Variants in ZFPM2 observed in about 807,000 individuals in gnomAD.
ZFPM2 encodes the protein zinc finger protein, FOG family member 2, also known as zinc finger protein ZFPM2.
In ZFPM2, 20 loss-of-function variants were observed where a neutral mutation model predicts 98.6. The observed-to-expected ratio is 0.20, with a 90% CI of 0.14 to 0.29. The LOEUF (loss-of-function observed/expected upper bound fraction) is 0.29. Ranked by LOEUF, ZFPM2 falls within the 10% of genes least tolerant of loss-of-function variation. ZFPM2 has a pLI of 1.00. For missense variants in ZFPM2, 1,310 were observed against 1,388.6 expected, an observed-to-expected ratio of 0.94 and a Z score of 0.90; for synonymous variants, 518 against 502.7, an observed-to-expected ratio of 1.03 and a Z score of -0.41.
chr8:105,660,094 T>G (rs550948462), intron 5 of ZFPM2, among the ~76,000 whole-genome samples: 84 of 152,330 alleles, frequency 5.5e-4, no homozygotes, highest in African/African-American at 2.0e-3. Flanking sequence ...TCAGCCAATC[T>G]TTTAAAACTG....
chr8:105,577,268 T>C (rs1815486769), intron 4 of ZFPM2, among the ~76,000 whole-genome samples: 1 of 152,152 alleles, frequency 6.6e-6, no homozygotes, highest in Non-Finnish European at 1.5e-5. Flanking sequence ...CCATAGCCTT[T>C]ATGTATATTT....
At chr8:105,394,094 C>T (rs1296056121) in intron 1 of ZFPM2, among the ~76,000 whole-genome samples, 4 of 151,942 alleles carry the variant, frequency 2.6e-5, no homozygotes, top group Non-Finnish European at 2.9e-5. Context: ...GGGGTTTCAC[C>T]GTGTTAGCCA....
At chr8:105,789,417 T>A (rs1328355806) in intron 6 of ZFPM2, among the ~76,000 whole-genome samples, 1 of 152,230 alleles carries the variant, frequency 6.6e-6, no homozygotes, top group Admixed American at 6.5e-5. Context: ...CATGAACTCA[T>A]CCTTTTTTAT....
rs1283156138 is a variant in ZFPM2 at position 105,691,273 on chromosome 8, G to A, written c.532+56916G>A. On this transcript the variant is annotated intron_variant, in intron 5 of 7. Transcript: ENST00000407775. ...TTTTTTTTTTTTGAGACGGAGTCTC[G>A]CTCTGTCGCCCAGGCCGGACTGCGG... Among the ~76,000 whole-genome samples, 36 of 71,556 alleles carry A rather than the reference G, an allele frequency of 5.0e-4. 3 individuals are homozygous for A. Among genetic ancestry groups the A allele is most frequent in the African/African-American group, 2.9e-3 (33 of 11,446 alleles). 46.9% of individuals were successfully genotyped at this position (71,556 alleles called of 152,430 possible).
chr8:105,381,229 A>G (rs137922395), intron 1 of ZFPM2, among the ~76,000 whole-genome samples: 1 of 151,246 alleles, frequency 6.6e-6, no homozygotes, highest in Admixed American at 6.6e-5. Flanking sequence ...TTCTAGCTTC[A>G]TCCTTGTCCC....
chr8:105,526,045 A>C (rs901018304), intron 3 of ZFPM2, among the ~76,000 whole-genome samples: 1 of 152,180 alleles, frequency 6.6e-6, no homozygotes, highest in Non-Finnish European at 1.5e-5. Context: ...TAGCTCTCAA[A>C]TATTTCCTGA....
intron 5 of ZFPM2, among the ~76,000 whole-genome samples, chr8:105,743,451 G>A (rs1310997683): frequency 3.3e-5 from 5 of 152,042 alleles, no homozygotes; most frequent in African/African-American, 4.8e-5. Flanking sequence ...ATGGATGTGA[G>A]GCTATGCATG....
chr8:105,592,900 C>T (rs759289418), intron 4 of ZFPM2, among the ~76,000 whole-genome samples: 1 of 152,162 alleles, frequency 6.6e-6, no homozygotes, highest in Non-Finnish European at 1.5e-5. Flanking sequence ...CTGCTTGCCT[C>T]ATTTCATATC....
intron 5 of ZFPM2, among the ~76,000 whole-genome samples, chr8:105,637,213 C>T (rs906570432): frequency 6.6e-6 from 1 of 152,128 alleles, no homozygotes; most frequent in Admixed American, 6.6e-5. Context: ...GTCTTGACAG[C>T]TCCAAATTTT....
intron 5 of ZFPM2, among the ~76,000 whole-genome samples, chr8:105,694,303 G>A (rs1810966511): frequency 6.6e-6 from 1 of 151,826 alleles, no homozygotes; most frequent in African/African-American, 2.4e-5. Context: ...ATTTTTTTAA[G>A]TTTCATTATT....
chr8:105,444,386 G>T lies in ZFPM2; in HGVS notation c.301+5G>T. On this transcript the variant is annotated splice_donor_5th_base_variant and intron_variant, in intron 3 of 7. Coordinates refer to ENST00000407775, the MANE Select transcript of ZFPM2 (RefSeq NM_012082.4). Reference sequence around the variant, plus strand: ...CAGACGACTGGGATGGACCAGGTAGGGGAGAATATTTAAAATTCAACCGTC... The same window carrying T: ...CAGACGACTGGGATGGACCAGGTAGTGGAGAATATTTAAAATTCAACCGTC... 1.2e-6 allele frequency: 2 copies of T among 1,601,966 alleles called. No homozygotes were observed. Among genetic ancestry groups the T allele is most frequent in the Admixed American group, 3.4e-5 (2 of 58,550 alleles).
intron 4 of ZFPM2, among the ~76,000 whole-genome samples, chr8:105,582,406 G>A (rs1370588344): frequency 6.6e-6 from 1 of 152,156 alleles, no homozygotes; most frequent in Middle Eastern, 3.2e-3. Context: ...GAGGGAAGGG[G>A]ACTTAGCAGT....
chr8:105,693,394 C>A (rs991864903), intron 5 of ZFPM2, among the ~76,000 whole-genome samples: 30 of 152,158 alleles, frequency 2.0e-4, no homozygotes, highest in African/African-American at 7.0e-4. Flanking sequence ...TCCTAAGTTA[C>A]ATTTTGAAGA....
At chr8:105,554,004 G>A (rs1395790809) in intron 3 of ZFPM2, among the ~76,000 whole-genome samples, 1 of 152,050 alleles carries the variant, frequency 6.6e-6, no homozygotes, top group Non-Finnish European at 1.5e-5. Flanking sequence ...GATTTATCAG[G>A]GTTTGACTAG....
At chr8:105,635,472 C>T (rs200405000) in intron 5 of ZFPM2, among the ~76,000 whole-genome samples, 4 of 149,212 alleles carry the variant, frequency 2.7e-5, no homozygotes, top group Admixed American at 2.0e-4. Context: ...AAAAAAAAAA[C>T]AATCTGCACA....
In ZFPM2 at chr8:105,631,541, G is replaced by A. The variant is rs116961629; in HGVS notation, c.421-2705G>A. On this transcript the variant is annotated intron_variant, in intron 4 of 7. Coordinates refer to ENST00000407775, the MANE Select transcript of ZFPM2 (RefSeq NM_012082.4). ...CTGTTTATCCTTTAAAATCCTGCCC[G>A]AATGTTGCCTCTTCTATGATGTGTC... Among the ~76,000 whole-genome samples, 41 of 152,160 alleles carry A rather than the reference G, an allele frequency of 2.7e-4. No homozygotes were observed. The East Asian group carries it at 7.2e-3, about 27-fold the overall frequency.
chr8:105,566,216 T>A (rs1554617883), intron 4 of ZFPM2, among the ~76,000 whole-genome samples: 1 of 152,162 alleles, frequency 6.6e-6, no homozygotes, highest in Non-Finnish European at 1.5e-5. Context: ...GCTCCGAAGG[T>A]CTGCACTACC....
At chr8:105,510,715 C>T (rs192936150) in intron 3 of ZFPM2, among the ~76,000 whole-genome samples, 3 of 147,476 alleles carry the variant, frequency 2.0e-5, no homozygotes, top group Admixed American at 2.0e-4. Context: ...ACAGTTGTTT[C>T]AAAGACTCCT....
chr8:105,620,454 T>G (rs1353764398), intron 4 of ZFPM2, among the ~76,000 whole-genome samples: 1 of 152,218 alleles, frequency 6.6e-6, no homozygotes, highest in African/African-American at 2.4e-5. Flanking sequence ...TTGGGCAGAT[T>G]GTAAAAATGT....
Sources: allele counts gnomAD v4.1 joint callset (sites outside exome capture counted in the v4.1 genomes callset), GRCh38; gene constraint gnomAD v4.1.1; transcripts MANE v1.5; gene names NCBI Gene and HGNC (gene_info 2026-07-23, HGNC 2026-07-21).